Variants in PLXNA4 observed in about 807,000 individuals in gnomAD.
The protein encoded by PLXNA4 is plexin-A4.
Under a neutral mutation model 191.8 loss-of-function variants are expected in PLXNA4, and 44 were observed. The observed-to-expected ratio is 0.23, with a 90% CI of 0.18 to 0.29. The LOEUF (loss-of-function observed/expected upper bound fraction) is 0.29, where lower values mean the gene tolerates loss of function less well. Among genes scored for constraint, PLXNA4 ranks in the 10% least tolerant of loss-of-function variants. The probability of loss-of-function intolerance (pLI) is 1.00; values close to 1 mark genes in which losing one functional copy is unlikely to be tolerated. For synonymous variants in PLXNA4, 1,082 were observed against 1,009.5 expected (o/e 1.07, Z -1.36); for missense variants, 1,800 against 2,488.8 (o/e 0.72, Z 5.89).
intron 1 of PLXNA4, among the ~76,000 whole-genome samples, chr7:132,557,928 G>GA (rs1800873156): frequency 1.3e-5 from 2 of 149,476 alleles, no homozygotes; most frequent in African/African-American, 4.9e-5. Flanking sequence ...TTTAAGGTAG[G>GA]GAGAGAGAGA....
intron 4 of PLXNA4, among the ~76,000 whole-genome samples, chr7:132,274,373 C>A (rs182346027): frequency 3.2e-4 from 48 of 152,094 alleles, no homozygotes; most frequent in Admixed American, 1.3e-3. Flanking sequence ...GCTTCTATAT[C>A]CCCTTCCCCC....
intron 13 of PLXNA4, among the ~76,000 whole-genome samples, chr7:132,195,219 G>A (rs1049096435): frequency 1.3e-5 from 2 of 152,092 alleles, no homozygotes; most frequent in African/African-American, 2.4e-5. Context: ...CATATCCACT[G>A]CTATAAACAC....
At position 132,365,440 on chromosome 7, in the gene PLXNA4, C is replaced by T. The variant is rs138172379; in HGVS notation, c.1372-67218G>A. On this transcript the variant is annotated intron_variant, in intron 3 of 31. Coordinates refer to ENST00000321063, the MANE Select transcript of PLXNA4 (RefSeq NM_020911.2). ...AAGTCAGAAAACTGGATTCTATGCT[C>T]ACCTCTGTCTTCAGCAAGACCCTCC... 2.8e-4 allele frequency among the ~76,000 whole-genome samples: 43 copies of T among 151,834 alleles called. No homozygotes were observed. In the East Asian group the frequency reaches 8.4e-3, roughly 30 times the overall value.
chr7:132,489,281 C>T lies in PLXNA4; in HGVS notation c.1371+11G>A. 2 of 1,578,554 alleles carry T rather than the reference C, an allele frequency of 1.3e-6. No homozygotes were observed. The highest frequency in any genetic ancestry group is 1.7e-6 in the Non-Finnish European group (2 of 1,150,902). Reference sequence around the variant, plus strand: ...TTCACAGTAACCAAAAGTACTGCACCTCATTCCTACCTTCTTCAGCTTGCC... The same window carrying T: ...TTCACAGTAACCAAAAGTACTGCACTTCATTCCTACCTTCTTCAGCTTGCC... On this transcript the variant is annotated intron_variant, in intron 3 of 31. Coordinates refer to ENST00000321063, the MANE Select transcript of PLXNA4 (RefSeq NM_020911.2).
At position 132,588,913 on chromosome 7, in the gene PLXNA4, TAG is replaced by T. The variant is rs199996090; in HGVS notation, c.-87+57013_-87+57014del. Among the ~76,000 whole-genome samples the T allele has an allele frequency of 5.4e-3, 809 of 149,996 alleles. 6 individuals carry two copies. Among genetic ancestry groups the T allele is most frequent in the African/African-American group, 0.019 (786 of 40,876 alleles). On this transcript the variant is annotated intron_variant, in intron 2 of 4. Coordinates refer to the PLXNA4 transcript ENST00000378539. Reference sequence around the variant, plus strand: ...GGTAGGGAAGGGAGAGAGAAAGAAATAGAGAGAGGAGTGATGATGACAATAAT... The same window carrying T: ...GGTAGGGAAGGGAGAGAGAAAGAAATAGAGAGGAGTGATGATGACAATAAT...
At chr7:132,335,142 C>A (rs1802766745) in intron 3 of PLXNA4, among the ~76,000 whole-genome samples, 1 of 152,162 alleles carries the variant, frequency 6.6e-6, no homozygotes, top group Non-Finnish European at 1.5e-5. Context: ...TCACCAAAAT[C>A]TATTGTTTAG....
intron 1 of PLXNA4, among the ~76,000 whole-genome samples, chr7:132,546,826 AC>A (rs1208036340): frequency 6.6e-6 from 1 of 152,184 alleles, no homozygotes; most frequent in Non-Finnish European, 1.5e-5. Context: ...AAGGGCAGGG[AC>A]TTTGTAACTT....
chr7:132,556,665 G>A (rs2116609611), intron 1 of PLXNA4, among the ~76,000 whole-genome samples: 1 of 152,336 alleles, frequency 6.6e-6, no homozygotes, highest in African/African-American at 2.4e-5. Flanking sequence ...GTGAATCAAT[G>A]GTTATTTGTC....
intron 1 of PLXNA4, among the ~76,000 whole-genome samples, chr7:132,521,172 C>A: frequency 7.6e-6 from 1 of 132,420 alleles, no homozygotes; most frequent in Non-Finnish European, 1.5e-5. Flanking sequence ...GATATATTTG[C>A]TCCTTGAAAA....
intron 4 of PLXNA4, among the ~76,000 whole-genome samples, chr7:132,272,566 T>A (rs1020449001): frequency 2.0e-5 from 3 of 152,214 alleles, no homozygotes; most frequent in Non-Finnish European, 4.4e-5. Context: ...CTAAATCAAG[T>A]CAGTTGGTCT....
intron 3 of PLXNA4, among the ~76,000 whole-genome samples, chr7:132,383,222 C>T (rs933913958): frequency 2.0e-4 from 31 of 152,054 alleles, no homozygotes; most frequent in African/African-American, 6.5e-4. Context: ...TGAAAAAAGA[C>T]CCCCTCGAGA....
intron 3 of PLXNA4, among the ~76,000 whole-genome samples, chr7:132,339,875 G>A (rs1364247597): frequency 6.6e-6 from 1 of 151,930 alleles, no homozygotes; most frequent in Non-Finnish European, 1.5e-5. Flanking sequence ...GGCCTCTAAG[G>A]GTTCTTATGT....
At chr7:132,144,990 C>A in intron 29 of PLXNA4, 129 bp downstream of exon 29, 2 of 1,368,572 alleles carry the variant, frequency 1.5e-6, no homozygotes, top group Non-Finnish European at 2.0e-6. Context: ...TGTGCCTGCT[C>A]AGAGTCCCTG....
chr7:132,388,539 A>G (rs1346877646), intron 3 of PLXNA4, among the ~76,000 whole-genome samples: 1 of 152,064 alleles, frequency 6.6e-6, no homozygotes, highest in Non-Finnish European at 1.5e-5. Context: ...TTGGTTCAGA[A>G]AAAAAAAGGT....
At chr7:132,148,142 C>T (rs1795490093) in intron 26 of PLXNA4, 143 bp from the exon 27 acceptor site, 1 of 1,271,100 alleles carries the variant, frequency 7.9e-7, no homozygotes, top group Admixed American at 2.1e-5. Context: ...GTCAGCTTTC[C>T]TTGGAGCAGA....
chr7:132,198,303 G>T (rs889798633), intron 13 of PLXNA4, among the ~76,000 whole-genome samples, 182 bp downstream of exon 13: 3 of 152,188 alleles, frequency 2.0e-5, no homozygotes, highest in African/African-American at 7.2e-5. Context: ...CAATATGGCA[G>T]CTAGCTAACT....
rs574649609 is a variant in PLXNA4, at chr7:132,158,448, G to A, written c.4660+1025C>T. Among the ~76,000 whole-genome samples, 11 of 152,238 alleles carry A rather than the reference G, an allele frequency of 7.2e-5. No individual in the cohort carries two copies. The South Asian group carries it at 1.0e-3, about 14-fold the overall frequency. ...GATACGAGCACATACACACATCAAT[G>A]CTTCTCCCTCCATGGCCAGCATCAA... On this transcript the variant is annotated intron_variant, in intron 25 of 31. Coordinates refer to ENST00000321063, the MANE Select transcript of PLXNA4 (RefSeq NM_020911.2).
chr7:132,337,940 G>A (rs1464992425), intron 3 of PLXNA4, among the ~76,000 whole-genome samples: 1 of 152,160 alleles, frequency 6.6e-6, no homozygotes, highest in Admixed American at 6.5e-5. Flanking sequence ...TCTGCTGACT[G>A]TCTGCTCTAA....
Position 132,392,032 on chromosome 7 carries a change from G to A in PLXNA4, c.1372-93810C>T, listed in dbSNP as rs548511321. On this transcript the variant is annotated intron_variant, in intron 3 of 31. Transcript: ENST00000321063. ...AATGCAAGCTACTTGGGAGGCTGAG[G>A]CAGGAGAATCACTCGACCCTGGGAG... Among the ~76,000 whole-genome samples the A allele has an allele frequency of 1.9e-3, 295 of 152,202 alleles. 5 individuals carry two copies. Among genetic ancestry groups the A allele is most frequent in the Middle Eastern group, 3.4e-3 (1 of 294 alleles).
Sources: gnomAD v4.1 joint callset for allele counts (sites outside exome capture counted in the v4.1 genomes callset) on GRCh38, gnomAD v4.1.1 for gene constraint, MANE v1.5 for transcripts, NCBI Gene and HGNC (gene_info 2026-07-23, HGNC 2026-07-21) for gene names.